Variants in MDGA2 observed in about 807,000 individuals in gnomAD.
MDGA2 encodes the protein MAM domain-containing glycosylphosphatidylinositol anchor protein 2.
A neutral mutation model predicts 117.8 loss-of-function variants in MDGA2; 40 were observed. The ratio of observed to expected loss-of-function variants is 0.34; its 90% CI spans 0.26 to 0.44. The LOEUF is 0.44. Among genes scored for constraint, MDGA2 ranks in the 20% least tolerant of loss-of-function variants. The pLI, the probability that MDGA2 is intolerant of heterozygous loss-of-function variation, is 1.00. For missense variants in MDGA2, 1,123 were observed against 1,250.6 expected (o/e 0.90, Z 1.54); for synonymous variants, 452 against 439.0 (o/e 1.03, Z -0.37).
At chr14:47,372,393 A>C (rs1390221044) in intron 1 of MDGA2, among the ~76,000 whole-genome samples, 8 of 151,978 alleles carry the variant, frequency 5.3e-5, no homozygotes, top group Non-Finnish European at 8.8e-5. Context: ...AAACAAACAA[A>C]TTTGATAGAA....
Position 47,382,008 on chromosome 14 carries a change from A to G in MDGA2, c.281-80458T>C, listed in dbSNP as rs149747145. On this transcript the variant is annotated intron_variant, in intron 1 of 16. Coordinates refer to ENST00000399232, the MANE Select transcript of MDGA2 (RefSeq NM_001113498.3). The stretch of plus-strand genomic sequence containing the variant: ...TGGTACTGTTACCAAAACAGAGATA[A>G]AGACCAATGGAACAGAACAGAGCCC... 2.6e-4 allele frequency among the ~76,000 whole-genome samples: 40 copies of G among 152,270 alleles called. No homozygotes were observed. In the East Asian group the frequency reaches 7.5e-3, roughly 29 times the overall value.
At chr14:47,641,569 T>C (rs1337217760) in intron 1 of MDGA2, among the ~76,000 whole-genome samples, 1 of 152,088 alleles carries the variant, frequency 6.6e-6, no homozygotes, top group East Asian at 1.9e-4. Flanking sequence ...GGGAGTTGAA[T>C]GGTGGCCAGG....
intron 8 of MDGA2, among the ~76,000 whole-genome samples, chr14:47,007,011 C>A (rs1887736781): frequency 6.6e-6 from 1 of 151,792 alleles, no homozygotes; most frequent in Admixed American, 6.6e-5. Context: ...AATTTATGTA[C>A]ATACCAAGAA....
At chr14:47,225,556 C>A (rs1201573540) in intron 2 of MDGA2, among the ~76,000 whole-genome samples, 114 of 4,744 alleles carry the variant, frequency 0.024, no homozygotes, top group African/African-American at 0.14. Flanking sequence ...TAAACTATCG[C>A]CAAGGACAAA....
At chr14:47,569,206 C>T (rs892055602) in intron 1 of MDGA2, among the ~76,000 whole-genome samples, 1 of 151,918 alleles carries the variant, frequency 6.6e-6, no homozygotes, top group Non-Finnish European at 1.5e-5. Context: ...TATATAAAAA[C>T]TAAGGTTGAA....
intron 8 of MDGA2, among the ~76,000 whole-genome samples, chr14:47,030,183 A>C (rs10135113): frequency 0.51 from 77,662 of 151,818 alleles, 20,444 homozygotes; most frequent in East Asian, 0.79. Flanking sequence ...CTTTTATATA[A>C]TTAATATTCA....
intron 10 of MDGA2, among the ~76,000 whole-genome samples, chr14:46,891,885 A>G (rs1882899276): frequency 6.6e-6 from 1 of 151,630 alleles, no homozygotes; most frequent in Non-Finnish European, 1.5e-5. Flanking sequence ...ATGATATTTG[A>G]ACTTTTGCAA....
chr14:46,973,792 A>T lies in MDGA2; in HGVS notation c.1820-16149T>A, dbSNP rs544368263. On this transcript the variant is annotated intron_variant, in intron 8 of 16. Transcript: ENST00000399232. The stretch of plus-strand genomic sequence containing the variant: ...TAGAAAACCATGCAGAAAACCCTGA[A>T]GATTCCATGTTAAATAGCTGTTATA... Among the ~76,000 whole-genome samples the T allele has an allele frequency of 7.9e-5, 12 of 152,300 alleles. No individual in the cohort carries two copies. In the Middle Eastern group the frequency reaches 0.01, roughly 130 times the overall value.
intron 3 of MDGA2, among the ~76,000 whole-genome samples, chr14:47,202,372 A>C (rs1358270096): frequency 6.6e-6 from 1 of 152,226 alleles, no homozygotes; most frequent in Non-Finnish European, 1.5e-5. Context: ...TAACTCATTA[A>C]CACATTTGCT....
chr14:47,144,160 C>T lies in MDGA2; in HGVS notation c.710G>A (p.Arg237Gln), dbSNP rs185459013. ...CTCCTGGCCACGTCTCCAGCTATACCGAACAGGAGGATTGGAATTGGCAAC... is the reference window on the plus strand; with the variant it reads ...CTCCTGGCCACGTCTCCAGCTATACTGAACAGGAGGATTGGAATTGGCAAC... ...RCVANSNPPV[R>Q]YSWRRGQEVL... Residue 237 changes from arginine to glutamine, a missense_variant, in exon 4 of 17, where the codon CGG (arginine) becomes CAG (glutamine). Arg to Gln is a conservative substitution (Grantham distance 43, BLOSUM62 1). Around this residue, in one of 2 missense-constraint regions of MDGA2, gnomAD observed 890 missense variants for 1,050.3 expected, o/e 0.85. Coordinates refer to ENST00000399232, the MANE Select transcript of MDGA2 (RefSeq NM_001113498.3). 7 of 1,551,220 alleles carry T rather than the reference C, an allele frequency of 4.5e-6. No homozygotes were observed. In the African/African-American group the frequency reaches 6.8e-5, roughly 15 times the overall value.
At chr14:47,058,158 C>G (rs1352593514) in intron 7 of MDGA2, among the ~76,000 whole-genome samples, 1 of 151,780 alleles carries the variant, frequency 6.6e-6, no homozygotes, top group Non-Finnish European at 1.5e-5. Context: ...CAGTAACACT[C>G]AAATTGAATG....
chr14:47,344,503 T>C (rs1890720591), intron 1 of MDGA2, among the ~76,000 whole-genome samples: 2 of 152,158 alleles, frequency 1.3e-5, no homozygotes, highest in Non-Finnish European at 1.5e-5. Flanking sequence ...TGATGGCTAA[T>C]AACAATAAGC....
At chr14:47,167,037 A>C (rs1175595559) in intron 3 of MDGA2, among the ~76,000 whole-genome samples, 3 of 152,172 alleles carry the variant, frequency 2.0e-5, no homozygotes, top group Admixed American at 6.5e-5. Context: ...GGAAAAATTA[A>C]CAATACTCTC....
rs138034927 is a variant in MDGA2, at chr14:46,893,784, G to A, written c.2239-11563C>T. Among the ~76,000 whole-genome samples the A allele has an allele frequency of 3.9e-3, 586 of 152,054 alleles. 7 individuals carry two copies. The highest frequency in any genetic ancestry group is 0.012 in the African/African-American group (507 of 41,540). On this transcript the variant is annotated intron_variant, in intron 10 of 16. Coordinates refer to ENST00000399232, the MANE Select transcript of MDGA2 (RefSeq NM_001113498.3). Reference sequence around the variant, plus strand: ...TCATAGAGATTGAGCTATTTTAAAAGTTATCTTCTGTGTTTTTAGTACAAA... The same window carrying A: ...TCATAGAGATTGAGCTATTTTAAAAATTATCTTCTGTGTTTTTAGTACAAA...
At chr14:47,535,487 C>T (rs975486378) in intron 1 of MDGA2, among the ~76,000 whole-genome samples, 3 of 152,286 alleles carry the variant, frequency 2.0e-5, no homozygotes, top group Middle Eastern at 3.4e-3. Context: ...AACTGGCAGT[C>T]ATTGTGAGGA....
At chr14:47,506,538 C>T (rs567620040) in intron 1 of MDGA2, among the ~76,000 whole-genome samples, 5 of 152,182 alleles carry the variant, frequency 3.3e-5, no homozygotes, top group Non-Finnish European at 7.3e-5. Context: ...CTAGGCTTCA[C>T]TATGCATGTG....
intron 10 of MDGA2, among the ~76,000 whole-genome samples, chr14:46,913,017 C>T (rs550518487): frequency 6.6e-6 from 1 of 152,184 alleles, no homozygotes; most frequent in Non-Finnish European, 1.5e-5. Flanking sequence ...GTCCTTCATT[C>T]TCTCTCATCT....
At chr14:47,620,742 T>C (rs1897034565) in intron 1 of MDGA2, among the ~76,000 whole-genome samples, 1 of 152,108 alleles carries the variant, frequency 6.6e-6, no homozygotes, top group South Asian at 2.1e-4. Flanking sequence ...AAGAGAGAAA[T>C]TGAAAGAATG....
At chr14:46,846,553 G>A (rs969203443) in intron 15 of MDGA2, among the ~76,000 whole-genome samples, 1 of 152,066 alleles carries the variant, frequency 6.6e-6, no homozygotes, top group Non-Finnish European at 1.5e-5. Context: ...CTCAGTGCAT[G>A]AATATTGAAA....
Sources: gnomAD v4.1 joint callset for allele counts (sites outside exome capture counted in the v4.1 genomes callset) on GRCh38, gnomAD v4.1.1 for gene constraint, gnomAD v4.1.1 regional missense constraint, MANE v1.5 for transcripts, NCBI Gene and HGNC (gene_info 2026-07-23, HGNC 2026-07-21) for gene names.